Variants in ELMO1 observed in about 807,000 individuals in gnomAD.
ELMO1 encodes the protein engulfment and cell motility protein 1.
Under a neutral mutation model 98.9 loss-of-function variants are expected in ELMO1, and 26 were observed. The ratio of observed to expected loss-of-function variants is 0.26; its 90% confidence interval spans 0.19 to 0.36. The LOEUF is 0.36. Ranked by LOEUF, ELMO1 falls within the 10% of genes least tolerant of loss-of-function variation. The pLI, the probability that ELMO1 is intolerant of heterozygous loss-of-function variation, is 1.00. For missense variants in ELMO1, 627 were observed against 935.2 expected, an observed-to-expected ratio of 0.67 and a Z score of 4.30; for synonymous variants, 346 against 346.0, an observed-to-expected ratio of 1.00 and a Z score of 0.00.
chr7:36,920,299 T>C (rs1447597361), intron 16 of ELMO1, among the ~76,000 whole-genome samples: 1 of 152,240 alleles, frequency 6.6e-6, no homozygotes, highest in African/African-American at 2.4e-5. Context: ...AATTGTTTCA[T>C]TGGACTGTTG....
intron 7 of ELMO1, among the ~76,000 whole-genome samples, chr7:37,236,240 A>G (rs73690164): frequency 0.046 from 7,001 of 152,250 alleles, 536 homozygotes; most frequent in African/African-American, 0.16. Flanking sequence ...TTTGGGAAAA[A>G]AAAGCTGGAG....
chr7:36,961,457 A>G (rs1202160129), intron 16 of ELMO1, among the ~76,000 whole-genome samples: 1 of 152,232 alleles, frequency 6.6e-6, no homozygotes, highest in Non-Finnish European at 1.5e-5. Context: ...CTAGGAGCTC[A>G]CATTACATGG....
intron 15 of ELMO1, among the ~76,000 whole-genome samples, chr7:37,062,023 G>A (rs984169492): frequency 6.6e-6 from 1 of 152,172 alleles, no homozygotes; most frequent in Non-Finnish European, 1.5e-5. Context: ...TCAACCTGCA[G>A]CATCCTAGTT....
At chr7:36,931,029 ATAGT>A (rs143162834) in intron 16 of ELMO1, among the ~76,000 whole-genome samples, 52 of 152,300 alleles carry the variant, frequency 3.4e-4, no homozygotes, top group African/African-American at 1.2e-3. Flanking sequence ...TGTCAATTTG[ATAGT>A]TAAGAAATGT....
intron 13 of ELMO1, among the ~76,000 whole-genome samples, chr7:37,149,907 T>G (rs952142093): frequency 2.6e-5 from 4 of 152,218 alleles, no homozygotes; most frequent in African/African-American, 9.7e-5. Context: ...GATACTGTAA[T>G]GATTTTATAG....
intron 1 of ELMO1, among the ~76,000 whole-genome samples, chr7:37,385,726 T>A (rs1014595788): frequency 1.3e-5 from 2 of 152,260 alleles, no homozygotes; most frequent in Non-Finnish European, 1.5e-5. Context: ...TAAGCATTTG[T>A]TGAGTGAACA....
chr7:37,233,176 G>A lies in ELMO1; in HGVS notation c.468C>T (p.Ser156=). 11 of 1,613,510 alleles carry A rather than the reference G, an allele frequency of 6.8e-6. No homozygotes were observed. Among genetic ancestry groups the A allele is most frequent in the Non-Finnish European group, 9.3e-6 (11 of 1,179,726 alleles). The change falls in exon 8 of 22, where the codon TCC becomes TCT. Residue 156 remains serine (S), a synonymous_variant. Coordinates refer to ENST00000310758, the MANE Select transcript of ELMO1 (RefSeq NM_014800.11). ...GCTCAACGAAGGCCGTCAGGGTGAA[G>A]GACAGCATGTCTCCAAAGCTGAAAA... ...IMKPCFGDML[S]FTLTAFVELM...
chr7:37,165,938 G>A (rs55905758), intron 13 of ELMO1, among the ~76,000 whole-genome samples: 2 of 151,906 alleles, frequency 1.3e-5, no homozygotes, highest in South Asian at 4.2e-4. Context: ...GTACCTCTGG[G>A]AGAATTCGGC....
intron 1 of ELMO1, among the ~76,000 whole-genome samples, chr7:37,428,103 T>C (rs941403396): frequency 1.3e-5 from 2 of 151,782 alleles, no homozygotes; most frequent in Non-Finnish European, 2.9e-5. Context: ...GACAGCTGGT[T>C]TCATTTGAAA....
chr7:37,160,747 T>C (rs1015534930), intron 13 of ELMO1, among the ~76,000 whole-genome samples: 2 of 152,286 alleles, frequency 1.3e-5, no homozygotes, highest in Middle Eastern at 3.4e-3. Flanking sequence ...GGCTTCTGCA[T>C]GACCAGATGT....
chr7:37,169,431 G>A (rs975537287), intron 13 of ELMO1, among the ~76,000 whole-genome samples: 3 of 152,264 alleles, frequency 2.0e-5, no homozygotes, highest in Non-Finnish European at 4.4e-5. Flanking sequence ...CGTCTTCTGC[G>A]TCGCTCACGC....
chr7:37,188,501 A>AAAAAAAAAAAAAT (rs764889756), intron 13 of ELMO1, among the ~76,000 whole-genome samples: 6 of 125,960 alleles, frequency 4.8e-5, no homozygotes, highest in African/African-American at 9.1e-5. Context: ...AAAAAAAAAA[A>AAAAAAAAAAAAAT]AATAATAATA....
chr7:37,228,818 C>T (rs1488949631), intron 8 of ELMO1, among the ~76,000 whole-genome samples: 4 of 151,984 alleles, frequency 2.6e-5, no homozygotes, highest in Admixed American at 2.6e-4. Context: ...GGTGAAACCC[C>T]CATCTCTACT....
chr7:37,334,498 C>G (rs1236477037), intron 2 of ELMO1, among the ~76,000 whole-genome samples: 1 of 152,128 alleles, frequency 6.6e-6, no homozygotes, highest in Non-Finnish European at 1.5e-5. Context: ...TTATACAGTG[C>G]TGGATTCAAA....
At position 36,878,117 on chromosome 7, in the gene ELMO1, T is replaced by C; in HGVS notation, c.1715A>G (p.Asp572Gly). 6.2e-7 allele frequency: 1 copy of C among 1,612,898 alleles called. No individual in the cohort carries two copies. The highest frequency in any genetic ancestry group is 8.5e-7 in the Non-Finnish European group (1 of 1,179,064). The change falls in exon 19 of 22, where the codon GAC becomes GGC. Residue 572 changes from aspartate to glycine, a missense_variant and splice_region_variant. Physicochemically the swap from Asp to Gly is moderately conservative, Grantham distance 94 (BLOSUM62 -1). This residue lies in a region of ELMO1 where 492 missense variants were observed against 715.6 expected (regional missense o/e 0.69). Transcript: ENST00000310758. ...FRKLNARRRQ[D>G]KFWYCRLSPN... ...CGAAAGCCGACAATACCAAAACTTG[T>C]CTGAGAGAAAAAACACAAGTTTACA...
At chr7:36,900,108 A>C (rs948742588) in intron 16 of ELMO1, among the ~76,000 whole-genome samples, 6 of 152,180 alleles carry the variant, frequency 3.9e-5, no homozygotes, top group African/African-American at 1.2e-4. Flanking sequence ...CAGAAATGCT[A>C]AGAGTGGCAC....
At chr7:37,009,592 G>A (rs1426790426) in intron 16 of ELMO1, among the ~76,000 whole-genome samples, 1 of 152,088 alleles carries the variant, frequency 6.6e-6, no homozygotes, top group African/African-American at 2.4e-5. Flanking sequence ...AGCATAGTTT[G>A]TTGGGCAAAT....
At chr7:37,054,530 T>G in intron 15 of ELMO1, among the ~76,000 whole-genome samples, 1 of 152,226 alleles carries the variant, frequency 6.6e-6, no homozygotes, top group Non-Finnish European at 1.5e-5. Context: ...GCTTTGGGGT[T>G]AGTAATAATA....
chr7:37,114,059 G>C (rs1322561302), intron 14 of ELMO1, among the ~76,000 whole-genome samples: 5 of 152,372 alleles, frequency 3.3e-5, no homozygotes, highest in African/African-American at 1.2e-4. Context: ...AGGACGTAAG[G>C]CTGGAAAGCC....
Sources: gnomAD v4.1 joint callset for allele counts (sites outside exome capture counted in the v4.1 genomes callset) on GRCh38, gnomAD v4.1.1 for gene constraint, gnomAD v4.1.1 regional missense constraint, MANE v1.5 for transcripts, NCBI Gene and HGNC (gene_info 2026-07-23, HGNC 2026-07-21) for gene names.